Variants in LSAMP observed in about 807,000 individuals in gnomAD.
LSAMP encodes limbic system associated membrane protein.
LSAMP carries 7 observed loss-of-function variants against 38.6 expected under a neutral mutation model. That is an observed-to-expected ratio of 0.18 (90% CI 0.10 to 0.34). LSAMP has a LOEUF of 0.34. LSAMP is among the 10% of genes least tolerant of loss of function. The pLI, the probability that LSAMP is intolerant of heterozygous loss-of-function variation, is 1.00. For missense variants in LSAMP, 313 were observed against 420.0 expected, an observed-to-expected ratio of 0.75 and a Z score of 2.23; for synonymous variants, 154 against 166.8, an observed-to-expected ratio of 0.92 and a Z score of 0.59.
At chr3:116,400,967 C>T (rs2048833532) in intron 1 of LSAMP, among the ~76,000 whole-genome samples, 1 of 152,032 alleles carries the variant, frequency 6.6e-6, no homozygotes, top group Admixed American at 6.6e-5. Flanking sequence ...AAATAGTGTC[C>T]CACCTCTCTT....
Position 116,445,046 on chromosome 3 carries a change from G to A in LSAMP, c.-15C>T, listed in dbSNP as rs764021715. The stretch of plus-strand genomic sequence containing the variant: ...CTCCTGACCATGGTGGCCACGCCGA[G>A]GTGCGGGTCCGCGGGGTGCTCTGGA... On this transcript the variant is annotated 5_prime_UTR_variant, in exon 1 of 7. Coordinates refer to ENST00000490035, the MANE Select transcript of LSAMP (RefSeq NM_002338.5). 4 of 1,606,314 alleles carry A rather than the reference G, an allele frequency of 2.5e-6. No individual in the cohort carries two copies. Among genetic ancestry groups the A allele is most frequent in the Non-Finnish European group, 3.4e-6 (4 of 1,174,852 alleles).
chr3:116,060,756 A>G (rs568509931), intron 2 of LSAMP, among the ~76,000 whole-genome samples: 62 of 152,162 alleles, frequency 4.1e-4, no homozygotes, highest in African/African-American at 1.4e-3. Flanking sequence ...GTGAAACTCC[A>G]TCTCAAAAAA....
intron 3 of LSAMP, among the ~76,000 whole-genome samples, chr3:115,974,838 G>T (rs1939133363): frequency 6.6e-6 from 1 of 152,272 alleles, no homozygotes; most frequent in African/African-American, 2.4e-5. Flanking sequence ...GGTGGTTAAG[G>T]AGGGAGGTGG....
At chr3:116,101,185 A>G (rs993272103) in intron 1 of LSAMP, among the ~76,000 whole-genome samples, 1 of 152,022 alleles carries the variant, frequency 6.6e-6, no homozygotes, top group Non-Finnish European at 1.5e-5. Context: ...GAGTGTCCCC[A>G]CTCTGATGTA....
At chr3:116,183,088 A>G (rs1272840031) in intron 1 of LSAMP, among the ~76,000 whole-genome samples, 1 of 151,846 alleles carries the variant, frequency 6.6e-6, no homozygotes, top group African/African-American at 2.4e-5. Context: ...TATGCAGGCT[A>G]TTAGTTTTGA....
At chr3:116,237,830 A>G (rs886717635) in intron 1 of LSAMP, among the ~76,000 whole-genome samples, 4 of 152,190 alleles carry the variant, frequency 2.6e-5, no homozygotes, top group African/African-American at 9.7e-5. Flanking sequence ...TCTCATGCAT[A>G]TTTTAGAATT....
intron 3 of LSAMP, among the ~76,000 whole-genome samples, chr3:115,906,087 C>T (rs1200873013): frequency 6.6e-6 from 1 of 152,138 alleles, no homozygotes; most frequent in Admixed American, 6.6e-5. Context: ...AGCTTCCATC[C>T]AGACTACAGG....
chr3:115,811,760 G>A (rs1337809630), intron 6 of LSAMP, among the ~76,000 whole-genome samples: 4 of 152,036 alleles, frequency 2.6e-5, no homozygotes, highest in Non-Finnish European at 5.9e-5. Context: ...CAATAAGAAC[G>A]AAACCACAAA....
intron 1 of LSAMP, among the ~76,000 whole-genome samples, chr3:116,420,834 G>A (rs984343563): frequency 5.9e-5 from 9 of 152,198 alleles, no homozygotes; most frequent in East Asian, 1.9e-4. Context: ...TGGAGCTCAC[G>A]CCACTGCACT....
intron 2 of LSAMP, among the ~76,000 whole-genome samples, chr3:116,083,623 T>C (rs1180907195): frequency 3.3e-5 from 5 of 152,162 alleles, no homozygotes; most frequent in African/African-American, 4.8e-5. Context: ...TACATAATGA[T>C]TAGTTGAACT....
chr3:116,074,768 G>A (rs1707696094), intron 2 of LSAMP, among the ~76,000 whole-genome samples: 1 of 150,082 alleles, frequency 6.7e-6, no homozygotes, highest in African/African-American at 2.5e-5. Context: ...AATTTTCCAT[G>A]TTTGCCATTT....
chr3:116,039,544 G>A (rs1486149640), intron 2 of LSAMP, among the ~76,000 whole-genome samples: 1 of 152,226 alleles, frequency 6.6e-6, no homozygotes, highest in Non-Finnish European at 1.5e-5. Context: ...ATCTTGAAAA[G>A]CTGGACAGCT....
intron 1 of LSAMP, among the ~76,000 whole-genome samples, chr3:116,088,063 TA>T (rs905004204): frequency 4.0e-4 from 60 of 149,230 alleles, no homozygotes; most frequent in African/African-American, 1.3e-3. Flanking sequence ...CTAGCTAATT[TA>T]AAAAAAAAAT....
At chr3:116,431,448 G>A (rs544278430) in intron 1 of LSAMP, among the ~76,000 whole-genome samples, 46 of 152,118 alleles carry the variant, frequency 3.0e-4, no homozygotes, top group African/African-American at 9.9e-4. Context: ...ATTCTAGCAC[G>A]TAGGCTTTTG....
At chr3:116,038,991 T>C (rs1941107876) in intron 2 of LSAMP, among the ~76,000 whole-genome samples, 1 of 152,210 alleles carries the variant, frequency 6.6e-6, no homozygotes, top group Non-Finnish European at 1.5e-5. Flanking sequence ...ACAACCTATA[T>C]TTGATGCAGT....
At chr3:116,139,823 G>C (rs1020902349) in intron 1 of LSAMP, among the ~76,000 whole-genome samples, 2 of 151,964 alleles carry the variant, frequency 1.3e-5, no homozygotes, top group Non-Finnish European at 2.9e-5. Flanking sequence ...GGCACTCTAT[G>C]ACTCATTTCA....
At chr3:116,041,034 C>T (rs988312958) in intron 2 of LSAMP, among the ~76,000 whole-genome samples, 2 of 152,198 alleles carry the variant, frequency 1.3e-5, no homozygotes, top group Non-Finnish European at 2.9e-5. Flanking sequence ...AGTGAGCATC[C>T]CGCCTCAGCT....
intron 1 of LSAMP, among the ~76,000 whole-genome samples, chr3:116,147,404 T>C (rs1709514551): frequency 6.6e-6 from 1 of 151,930 alleles, no homozygotes; most frequent in Non-Finnish European, 1.5e-5. Context: ...ATCAATGGTA[T>C]CATGGCATAT....
At chr3:116,103,835 C>T (rs559748360) in intron 1 of LSAMP, among the ~76,000 whole-genome samples, 1 of 152,114 alleles carries the variant, frequency 6.6e-6, no homozygotes, top group South Asian at 2.1e-4. Context: ...GATTTGAGTG[C>T]ACAAAAATCC....
Sources: gnomAD v4.1 joint callset for allele counts (sites outside exome capture counted in the v4.1 genomes callset) on GRCh38, gnomAD v4.1.1 for gene constraint, MANE v1.5 for transcripts, NCBI Gene and HGNC (gene_info 2026-07-23, HGNC 2026-07-21) for gene names.